UCP3: variants seen among roughly 807,000 people sequenced by gnomAD.
UCP3 encodes putative mitochondrial transporter UCP3.
Under a neutral mutation model 28.1 loss-of-function variants are expected in UCP3, and 24 were observed. The ratio of observed to expected loss-of-function variants is 0.85; its 90% CI spans 0.62 to 1.20. The LOEUF (loss-of-function observed/expected upper bound fraction) is 1.20, where lower values mean the gene tolerates loss of function less well. Among genes scored for constraint, UCP3 ranks in the 50% most tolerant of loss-of-function variants. UCP3 has a pLI of 0.00. For missense variants in UCP3, 397 were observed against 422.2 expected (o/e 0.94, Z 0.52); for synonymous variants, 184 against 171.2 (o/e 1.07, Z -0.59).
intron 6 of UCP3, 152 bp from the exon 7 acceptor site, chr11:74,001,678 T>TG (rs1232097246): frequency 1.4e-6 from 1 of 692,902 alleles, no homozygotes; most frequent in African/African-American, 1.8e-5. Context: ...TCTCTCTCTT[T>TG]TTTTTTTCTG....
In UCP3 at chr11:74,001,345, T is replaced by G. The variant is rs988353384; in HGVS notation, c.*67A>C. ...GGGTCTGTGTCCATGTGTGCGTGGA[T>G]GCACCGTTTTCTTCCATTCTTAACT... On this transcript the variant is annotated 3_prime_UTR_variant, in exon 7 of 7. Transcript: ENST00000314032. 2.8e-6 allele frequency: 4 copies of G among 1,451,070 alleles called. No individual in the cohort carries two copies. Among genetic ancestry groups the G allele is most frequent in the East Asian group, 2.3e-5 (1 of 43,872 alleles). 89.9% of individuals were successfully genotyped at this position (1,451,070 alleles called of 1,614,324 possible). A position where few individuals can be genotyped will look rare whatever the true frequency, so the allele number is the denominator to read the frequency against.
intron 5 of UCP3, 89 bp from the exon 6 acceptor site, chr11:74,004,096 T>A: frequency 6.4e-7 from 1 of 1,555,618 alleles, no homozygotes; most frequent in Non-Finnish European, 8.7e-7. Flanking sequence ...AACCGTGAAC[T>A]CCCTGAGCAT....
chr11:74,003,747 T>G (rs542112396), intron 6 of UCP3, 80 bp downstream of exon 6: 1 of 1,513,562 alleles, frequency 6.6e-7, no homozygotes, highest in African/African-American at 1.4e-5. Flanking sequence ...ACATCCCAGG[T>G]TGACCCACGG....
chr11:74,006,338 C>A lies in UCP3; in HGVS notation c.168G>T (p.Val56=), dbSNP rs1425091770. Residue 56 remains valine, a synonymous_variant, in exon 3 of 7, where the codon GTG becomes GTT. Transcript: ENST00000314032. ...ENQAVQTARL[V]QYRGVLGTIL... is the part of the protein sequence containing the mutation. ...TGGTGCCCAGCACGCCACGGTACTG[C>A]ACGAGCCGGGCCGTCTGGACCGCCT... 6.3e-7 allele frequency: 1 copy of A among 1,594,226 alleles called. No homozygotes were observed. Among genetic ancestry groups the A allele is most frequent in the East Asian group, 2.2e-5 (1 of 44,566 alleles).
At position 74,000,337 on chromosome 11, in the gene UCP3, C is replaced by T. The variant is rs573225230; in HGVS notation, c.*1075G>A. The T allele has an allele frequency of 2.6e-5, 4 of 152,348 alleles. No individual in the cohort carries two copies. Among genetic ancestry groups the T allele is most frequent in the Admixed American group, 6.6e-5 (1 of 15,236 alleles). 9.4% of individuals were successfully genotyped at this position (152,348 alleles called of 1,614,324 possible). ...CTTTTATTGAGTCATAATAATTTCC[C>T]GAGAATTCCGAGTCCTGCTACTTTA... On this transcript the variant is annotated 3_prime_UTR_variant, in exon 7 of 7. Transcript: ENST00000314032.
At chr11:74,006,835 T>C in intron 2 of UCP3, 82 bp downstream of exon 2, 2 of 1,607,298 alleles carry the variant, frequency 1.2e-6, no homozygotes, top group Non-Finnish European at 1.7e-6. Context: ...GAAGGGCATG[T>C]GGGCACACGT....
At position 74,004,010 on chromosome 11, in the gene UCP3, G is replaced by A. The variant is rs1451221237; in HGVS notation, c.644-3C>T. 2 of 1,613,808 alleles carry A rather than the reference G, an allele frequency of 1.2e-6. No homozygotes were observed. Among genetic ancestry groups the A allele is most frequent in the Non-Finnish European group, 1.7e-6 (2 of 1,180,006 alleles). On this transcript the variant is annotated splice_polypyrimidine_tract_variant and splice_region_variant and intron_variant, in intron 5 of 6. Transcript: ENST00000314032. ...GACAAAGTGGCAGGGGAAGTTGTCT[G>A]CAGAGGAAGGACAAGCAAATATCAA...
At chr11:74,006,034 C>T in intron 3 of UCP3, 101 bp from the exon 4 acceptor site, 1 of 1,559,950 alleles carries the variant, frequency 6.4e-7, no homozygotes, top group South Asian at 1.2e-5. Context: ...TTGATGTCCA[C>T]TCAGAGCCTC....
At chr11:74,002,886 C>T in intron 6 of UCP3, 1 of 985,440 alleles carries the variant, frequency 1.0e-6, no homozygotes, top group Non-Finnish European at 1.2e-6. Context: ...AAGACATCAG[C>T]AGTGGGAGGT....
At chr11:74,002,817 C>T in intron 6 of UCP3, 1 of 985,450 alleles carries the variant, frequency 1.0e-6, no homozygotes, top group Non-Finnish European at 1.2e-6. Context: ...GAACCTATAG[C>T]AGCTCTTGTT....
chr11:74,006,742 T>A (rs995288355), intron 2 of UCP3, among the ~76,000 whole-genome samples, 175 bp downstream of exon 2: 1 of 152,112 alleles, frequency 6.6e-6, no homozygotes, highest in Admixed American at 6.5e-5. Flanking sequence ...GAATTTAGAT[T>A]TTTTTGTCCT....
chr11:74,001,860 C>T, intron 6 of UCP3: 1 of 332,168 alleles, frequency 3.0e-6, no homozygotes, highest in Non-Finnish European at 5.7e-6. Flanking sequence ...CAACCAAAGA[C>T]CCGCGGCTAG....
At chr11:74,002,935 A>G in intron 6 of UCP3, 1 of 985,418 alleles carries the variant, frequency 1.0e-6, no homozygotes, top group Non-Finnish European at 1.2e-6. Context: ...AGGATAAACA[A>G]CATTGTTGGG....
Position 74,006,232 on chromosome 11 carries a change from C to T in UCP3, c.274G>A (p.Ala92Thr), listed in dbSNP as rs192655642. Residue 92 changes from alanine (A) to threonine (T), a missense_variant, in exon 3 of 7, where the codon GCC becomes ACC. Coordinates refer to ENST00000314032, the MANE Select transcript of UCP3 (RefSeq NM_003356.4). The part of the protein sequence containing the change: ...VAGLQRQMSF[A>T]SIRIGLYDSV... ...TCATAGAGGCCGATGCGGATGGAGG[C>T]GAAGCTCATCTGGCGCTGCAGGCCG... 99 of 1,614,104 alleles carry T rather than the reference C, an allele frequency of 6.1e-5. 1 individual carries two copies. In the South Asian group the frequency reaches 8.7e-4, roughly 14 times the overall value.
intron 1 of UCP3, among the ~76,000 whole-genome samples, chr11:74,007,548 C>T (rs1402228965): frequency 6.6e-6 from 1 of 152,154 alleles, no homozygotes; most frequent in Non-Finnish European, 1.5e-5. Context: ...CTCCCACCTT[C>T]AGCCTCCCGA....
rs76141067 is a variant in UCP3, at chr11:74,003,556, A to G, written c.824+271T>C. On this transcript the variant is annotated intron_variant, in intron 6 of 6. Coordinates refer to ENST00000314032, the MANE Select transcript of UCP3 (RefSeq NM_003356.4). ...CAATGGCCATGGCAGGAGGTCCAGG[A>G]GGTCTCAGGATTGCTAACTTCCTCT... 1.2e-3 allele frequency: 1,427 copies of G among 1,172,644 alleles called. 13 individuals are homozygous for G. The African/African-American group carries it at 0.02, about 17-fold the overall frequency. The allele number at this position is 1,172,644 out of a possible 1,614,324, so 72.6% of individuals were successfully genotyped here. A position where few individuals can be genotyped will look rare whatever the true frequency, so the allele number is the denominator to read the frequency against.
chr11:74,003,710 G>A (rs1951636998), intron 6 of UCP3, 117 bp downstream of exon 6: 1 of 1,449,898 alleles, frequency 6.9e-7, no homozygotes, highest in Admixed American at 2.4e-5. Context: ...CTTCTTTGTG[G>A]CATTTACATC....
chr11:74,001,677 T>C lies in UCP3; in HGVS notation c.825-151A>G, dbSNP rs72984809. 2.0e-3 allele frequency: 1,292 copies of C among 657,466 alleles called. 5 individuals carry two copies. Among genetic ancestry groups the C allele is most frequent in the Non-Finnish European group, 2.8e-3 (1,075 of 381,296 alleles). The allele number at this position is 657,466 out of a possible 1,614,324, so 40.7% of individuals were successfully genotyped here. On this transcript the variant is annotated intron_variant, in intron 6 of 6. Coordinates refer to ENST00000314032, the MANE Select transcript of UCP3 (RefSeq NM_003356.4). ...GAATCCTTTCAGTCTCTCTCTCTCT[T>C]TTTTTTTTCTGCTAAGGGGATTTAG...
Position 74,007,050 on chromosome 11 carries a change from G to T in UCP3, c.-8C>A. 27 of 1,613,796 alleles carry T rather than the reference G, an allele frequency of 1.7e-5. No individual in the cohort carries two copies. Among genetic ancestry groups the T allele is most frequent in the Non-Finnish European group, 2.1e-5 (25 of 1,180,014 alleles). On this transcript the variant is annotated 5_prime_UTR_variant, in exon 2 of 7. Transcript: ENST00000314032. Reference sequence around the variant, plus strand: ...AGGCTTCAGTCCAACCATAGTCCTGGAAGGCTCTGCCCAGTCCCTTTAGGG... The same window carrying T: ...AGGCTTCAGTCCAACCATAGTCCTGTAAGGCTCTGCCCAGTCCCTTTAGGG...
Sources: gnomAD v4.1 joint callset for allele counts (sites outside exome capture counted in the v4.1 genomes callset) on GRCh38, gnomAD v4.1.1 for gene constraint, MANE v1.5 for transcripts, NCBI Gene and HGNC (gene_info 2026-07-23, HGNC 2026-07-21) for gene names.